The following MAP2K3 variants were observed in gnomAD, a reference collection of about 807,000 sequenced individuals.
MAP2K3 encodes the protein mitogen-activated protein kinase kinase 3.
In MAP2K3, 30 loss-of-function variants were observed where a neutral mutation model predicts 46.4. That is an observed-to-expected ratio of 0.65 (90% CI 0.48 to 0.88). MAP2K3 has a LOEUF of 0.88. MAP2K3 is among the 40% of genes least tolerant of loss of function. The pLI is 0.00. For synonymous variants in MAP2K3, 189 were observed against 176.3 expected, an observed-to-expected ratio of 1.07 and a Z score of -0.57; for missense variants, 380 against 464.5, an observed-to-expected ratio of 0.82 and a Z score of 1.67.
At chr17:21,307,293 A>G (rs1253397427) in intron 9 of MAP2K3, among the ~76,000 whole-genome samples, 1 of 152,302 alleles carries the variant, frequency 6.6e-6, no homozygotes, top group African/African-American at 2.4e-5. Context: ...CACTCAGGAA[A>G]TTCCAAGGGT....
At chr17:21,303,029 G>T (rs1037402521) in intron 6 of MAP2K3, among the ~76,000 whole-genome samples, 154 bp from the exon 7 acceptor site, 1 of 152,312 alleles carries the variant, frequency 6.6e-6, no homozygotes, top group Admixed American at 6.5e-5. Context: ...CAAATGCCAG[G>T]ACAGGGCAGG....
chr17:21,296,415 G>T (rs1228035200), intron 1 of MAP2K3, among the ~76,000 whole-genome samples: 2 of 152,310 alleles, frequency 1.3e-5, no homozygotes, highest in Non-Finnish European at 2.9e-5. Flanking sequence ...GGTTTTTCCT[G>T]TTAGAATGTG....
intron 6 of MAP2K3, 137 bp from the exon 7 acceptor site, chr17:21,303,046 G>A (rs1373459901): frequency 2.6e-6 from 3 of 1,134,688 alleles, no homozygotes; most frequent in Non-Finnish European, 2.6e-6. Flanking sequence ...CAGGAGGCTG[G>A]GATGAGAGGG....
chr17:21,293,046 A>G (rs988524943), intron 1 of MAP2K3, among the ~76,000 whole-genome samples: 7 of 152,294 alleles, frequency 4.6e-5, no homozygotes, highest in African/African-American at 1.7e-4. Context: ...AGGCACGCAG[A>G]GGACACCCCA....
chr17:21,308,044 C>T (rs558332431), intron 9 of MAP2K3, among the ~76,000 whole-genome samples: 103 of 150,122 alleles, frequency 6.9e-4, no homozygotes, highest in East Asian at 3.2e-3. Flanking sequence ...TTAAAAAAGA[C>T]GGGGTTTCAC....
At chr17:21,285,442 CCA>C (rs1975697092) in intron 1 of MAP2K3, 1 of 228,280 alleles carries the variant, frequency 4.4e-6, no homozygotes, top group Admixed American at 6.5e-5. Flanking sequence ...CATCTGGGCC[CCA>C]GAGTGCTCCT....
intron 10 of MAP2K3, among the ~76,000 whole-genome samples, chr17:21,313,290 G>A (rs12602109): frequency 0.29 from 43,969 of 152,054 alleles, 6,833 homozygotes; most frequent in African/African-American, 0.4. Flanking sequence ...AGGAGCCAGA[G>A]AAACTTGCTG....
intron 7 of MAP2K3, among the ~76,000 whole-genome samples, chr17:21,303,774 T>C (rs899159961): frequency 2.6e-5 from 4 of 152,310 alleles, no homozygotes; most frequent in African/African-American, 9.6e-5. Flanking sequence ...AGTCTATTTT[T>C]CCAGATTTAC....
intron 1 of MAP2K3, among the ~76,000 whole-genome samples, chr17:21,294,519 C>T (rs1007345320): frequency 3.3e-4 from 50 of 152,288 alleles, no homozygotes; most frequent in Admixed American, 4.6e-4. Flanking sequence ...GAAGTGGGGG[C>T]CCTGCCCTCA....
At chr17:21,295,897 CGTG>C in intron 1 of MAP2K3, 1 of 1,271,264 alleles carries the variant, frequency 7.9e-7, no homozygotes, top group Non-Finnish European at 1.0e-6. Flanking sequence ...GAGGGTGTGG[CGTG>C]GACCCCACAG....
intron 9 of MAP2K3, among the ~76,000 whole-genome samples, chr17:21,308,893 CA>C (rs1977029838): frequency 6.6e-6 from 1 of 152,274 alleles, no homozygotes; most frequent in Admixed American, 6.5e-5. Context: ...GGAACTTGGA[CA>C]AGTGTGTGCT....
chr17:21,285,120 G>C, intron 1 of MAP2K3, 151 bp downstream of exon 1: 1 of 1,324,496 alleles, frequency 7.6e-7, no homozygotes, highest in Non-Finnish European at 1.0e-6. Context: ...GGGGTCCCGG[G>C]ACCAGCCCCC....
chr17:21,302,460 C>T (rs1976662165), intron 6 of MAP2K3, among the ~76,000 whole-genome samples: 1 of 152,308 alleles, frequency 6.6e-6, no homozygotes, highest in African/African-American at 2.4e-5. Context: ...GAGACCTCCG[C>T]TCCTGGGGCT....
At chr17:21,295,669 C>G (rs1479680006) in intron 1 of MAP2K3, 1 of 1,289,486 alleles carries the variant, frequency 7.8e-7, no homozygotes, top group Admixed American at 2.3e-5. Context: ...TTGGTGTCCC[C>G]AACAGGCCGG....
rs558057303 is a variant in MAP2K3 at position 21,285,288 on chromosome 17, A to G, written c.49+319A>G. 299 of 985,276 alleles carry G rather than the reference A, an allele frequency of 3.0e-4. No individual in the cohort carries two copies. In the African/African-American group the frequency reaches 4.8e-3, roughly 16 times the overall value. 61.0% of individuals were successfully genotyped at this position (985,276 alleles called of 1,614,324 possible). On this transcript the variant is annotated intron_variant, in intron 1 of 11. Transcript: ENST00000342679. ...TTTGGGCCTTATGGCTGCAGCCTGG[A>G]CATGAACTCTCCCAGTCTTCTCCCT...
At chr17:21,304,709 A>T (rs1976797622) in intron 8 of MAP2K3, among the ~76,000 whole-genome samples, 156 bp downstream of exon 8, 1 of 152,300 alleles carries the variant, frequency 6.6e-6, no homozygotes, top group Admixed American at 6.5e-5. Flanking sequence ...CTTGCTGCCC[A>T]GGGGCAGCCC....
chr17:21,284,759 C>CCGGCGCAGTCCT lies in MAP2K3; in HGVS notation c.-160_-159insGCGCAGTCCTCG. 1 of 688,334 alleles carries CCGGCGCAGTCCT rather than the reference C, an allele frequency of 1.5e-6. No homozygotes were observed. Among genetic ancestry groups the CCGGCGCAGTCCT allele is most frequent in the South Asian group, 2.6e-5 (1 of 39,170 alleles). The allele number at this position is 688,334 out of a possible 1,614,324, so 42.6% of individuals were successfully genotyped here. A position where few individuals can be genotyped will look rare whatever the true frequency, so the allele number is the denominator to read the frequency against. Reference sequence around the variant, plus strand: ...CGCGGACTCGTCCTTGCTGCAGTCGCCGCCGCAGTCCTCGCCGCAGTCGCC... The same window carrying CCGGCGCAGTCCT: ...CGCGGACTCGTCCTTGCTGCAGTCGCCGGCGCAGTCCTCGCCGCAGTCCTCGCCGCAGTCGCC... On this transcript the variant is annotated 5_prime_UTR_variant, in exon 1 of 12. Coordinates refer to ENST00000342679, the MANE Select transcript of MAP2K3 (RefSeq NM_145109.3).
intron 5 of MAP2K3, 112 bp from the exon 6 acceptor site, chr17:21,302,031 G>T: frequency 1.9e-6 from 2 of 1,029,196 alleles, no homozygotes; most frequent in Non-Finnish European, 3.0e-6. Context: ...TGAGTGGGTG[G>T]GCACACGTCG....
intron 9 of MAP2K3, among the ~76,000 whole-genome samples, chr17:21,307,477 G>A (rs868611330): frequency 0.039 from 5,670 of 146,182 alleles, no homozygotes; most frequent in African/African-American, 0.15. Flanking sequence ...GGGTAGACCA[G>A]GGGGTGCAAG....
Sources: gnomAD v4.1 joint callset for allele counts (sites outside exome capture counted in the v4.1 genomes callset) on GRCh38, gnomAD v4.1.1 for gene constraint, MANE v1.5 for transcripts, NCBI Gene and HGNC (gene_info 2026-07-23, HGNC 2026-07-21) for gene names.